The following PRKG1 variants were observed in gnomAD, a reference collection of about 807,000 sequenced individuals.
PRKG1 encodes the protein protein kinase cGMP-dependent 1, also known as cGMP-dependent protein kinase 1.
PRKG1 carries 35 observed loss-of-function variants against 88.1 expected under a neutral mutation model. The ratio of observed to expected loss-of-function variants is 0.40; its 90% CI spans 0.30 to 0.53. The LOEUF (loss-of-function observed/expected upper bound fraction) is 0.53. Among genes scored for constraint, PRKG1 ranks in the 20% least tolerant of loss-of-function variants. PRKG1 has a pLI of 0.59. For synonymous variants in PRKG1, 303 were observed against 292.5 expected (o/e 1.04, Z -0.37); for missense variants, 540 against 839.8 (o/e 0.64, Z 4.41).
intron 5 of PRKG1, among the ~76,000 whole-genome samples, chr10:52,046,428 A>G (rs1002625875): frequency 6.6e-6 from 1 of 152,164 alleles, no homozygotes; most frequent in South Asian, 2.1e-4. Context: ...AAAGCTTTGT[A>G]TTATAGATTA....
chr10:51,262,046 C>G (rs950522362), intron 2 of PRKG1, among the ~76,000 whole-genome samples: 2 of 151,780 alleles, frequency 1.3e-5, no homozygotes, highest in Non-Finnish European at 2.9e-5. Context: ...GCCACTATGC[C>G]CGGCTAAATT....
At chr10:51,942,400 G>A (rs1842929809) in intron 5 of PRKG1, among the ~76,000 whole-genome samples, 1 of 150,840 alleles carries the variant, frequency 6.6e-6, no homozygotes, top group East Asian at 1.9e-4. Context: ...CATTTTGTAG[G>A]TTGCCTGTTC....
At chr10:51,034,399 G>A (rs1004899371) in intron 1 of PRKG1, among the ~76,000 whole-genome samples, 9 of 151,898 alleles carry the variant, frequency 5.9e-5, no homozygotes, top group African/African-American at 2.2e-4. Context: ...GCACTTCACA[G>A]TGTGTGTCAG....
At chr10:51,652,941 C>T (rs945253732) in intron 3 of PRKG1, among the ~76,000 whole-genome samples, 3 of 152,082 alleles carry the variant, frequency 2.0e-5, no homozygotes, top group African/African-American at 7.2e-5. Flanking sequence ...TTTTTAGCTT[C>T]CATATATAAG....
At chr10:51,355,264 C>CT (rs982070991) in intron 2 of PRKG1, among the ~76,000 whole-genome samples, 2 of 151,984 alleles carry the variant, frequency 1.3e-5, no homozygotes, top group South Asian at 2.1e-4. Flanking sequence ...AATCTTTTAG[C>CT]TTTTTATTCC....
chr10:51,698,415 CAT>C, intron 3 of PRKG1: 1 of 1,614,058 alleles, frequency 6.2e-7, no homozygotes, highest in Non-Finnish European at 8.5e-7. Context: ...CCCCTCATCT[CAT>C]GTGAGGAAGG....
At chr10:51,038,283 G>T (rs191900049) in intron 1 of PRKG1, among the ~76,000 whole-genome samples, 1 of 152,220 alleles carries the variant, frequency 6.6e-6, no homozygotes, top group African/African-American at 2.4e-5. Flanking sequence ...GGGTAAATGG[G>T]GTCTCTATTA....
intron 3 of PRKG1, among the ~76,000 whole-genome samples, chr10:51,629,597 C>T (rs1839472776): frequency 6.6e-6 from 1 of 152,032 alleles, no homozygotes; most frequent in Non-Finnish European, 1.5e-5. Flanking sequence ...CTTTTCAGTG[C>T]TTTTGTGGCA....
intron 1 of PRKG1, among the ~76,000 whole-genome samples, chr10:51,063,875 C>T (rs1564586026): frequency 1.3e-5 from 2 of 151,896 alleles, no homozygotes; most frequent in Admixed American, 1.3e-4. Context: ...ACCTTTAGTT[C>T]TGTATTTTAG....
chr10:51,335,049 A>G (rs1331965799), intron 2 of PRKG1, among the ~76,000 whole-genome samples: 2 of 113,312 alleles, frequency 1.8e-5, no homozygotes, highest in Non-Finnish European at 3.3e-5. Flanking sequence ...TCTGTCGCCC[A>G]GGCTGGAGTT....
intron 1 of PRKG1, among the ~76,000 whole-genome samples, chr10:51,041,730 A>G (rs147467859): frequency 6.6e-6 from 1 of 152,264 alleles, no homozygotes; most frequent in East Asian, 1.9e-4. Flanking sequence ...TCAAAGAAAT[A>G]TACTCTGCCT....
chr10:52,128,362 C>A (rs762680606), intron 7 of PRKG1: 17 of 985,214 alleles, frequency 1.7e-5, no homozygotes, highest in African/African-American at 3.5e-5. Flanking sequence ...TGTGTTTGTT[C>A]CCCTGAGGTA....
At chr10:51,464,890 CAA>C (rs11316369) in intron 2 of PRKG1, among the ~76,000 whole-genome samples, 2,920 of 88,156 alleles carry the variant, frequency 0.033, 60 homozygotes, top group African/African-American at 0.11. Context: ...GACTCCGTCT[CAA>C]AAAAAAAAAA....
chr10:51,028,270 C>T (rs547893928), intron 1 of PRKG1, among the ~76,000 whole-genome samples: 1 of 152,240 alleles, frequency 6.6e-6, no homozygotes, highest in East Asian at 1.9e-4. Context: ...TATTTTCCTC[C>T]TGGCTTTCAG....
chr10:52,284,928 A>G (rs1447550348), intron 14 of PRKG1, among the ~76,000 whole-genome samples: 1 of 152,088 alleles, frequency 6.6e-6, no homozygotes, highest in African/African-American at 2.4e-5. Context: ...ACCTCCCTGA[A>G]TGTTTTAAAT....
intron 7 of PRKG1, among the ~76,000 whole-genome samples, chr10:52,075,511 G>T (rs762877868): frequency 1.1e-4 from 16 of 152,300 alleles, no homozygotes; most frequent in Non-Finnish European, 2.1e-4. Context: ...CTTTAAAGCT[G>T]CAGTAGCCAA....
chr10:52,128,341 C>T (rs575218315), intron 7 of PRKG1: 368 of 985,370 alleles, frequency 3.7e-4, no homozygotes, highest in Non-Finnish European at 4.3e-4. Context: ...CTGCTTTGGC[C>T]TCATACATTC....
At chr10:51,921,532 G>A (rs1341945969) in intron 5 of PRKG1, among the ~76,000 whole-genome samples, 6 of 152,104 alleles carry the variant, frequency 3.9e-5, no homozygotes, top group Admixed American at 2.6e-4. Context: ...TGTTAAGTAT[G>A]TTAGCCGTAG....
intron 3 of PRKG1, among the ~76,000 whole-genome samples, chr10:51,789,038 A>C (rs1360892529): frequency 6.6e-6 from 1 of 152,194 alleles, no homozygotes; most frequent in Non-Finnish European, 1.5e-5. Context: ...CACATCGTTT[A>C]ACTTGTAAGG....
Sources: allele counts gnomAD v4.1 joint callset (sites outside exome capture counted in the v4.1 genomes callset), GRCh38; gene constraint gnomAD v4.1.1; transcripts MANE v1.5; gene names NCBI Gene and HGNC (gene_info 2026-07-23, HGNC 2026-07-21).